Variants in LRRC4C observed in about 807,000 individuals in gnomAD.
The protein encoded by LRRC4C is leucine-rich repeat-containing protein 4C.
A neutral mutation model predicts 33.6 loss-of-function variants in LRRC4C; 5 were observed. The observed-to-expected ratio is 0.15, with a 90% CI of 0.08 to 0.31. LRRC4C has a LOEUF of 0.31. Ranked by LOEUF, LRRC4C falls within the 10% of genes least tolerant of loss-of-function variation. The pLI is 1.00. For synonymous variants in LRRC4C, 329 were observed against 302.0 expected, an observed-to-expected ratio of 1.09 and a Z score of -0.93; for missense variants, 560 against 796.7, an observed-to-expected ratio of 0.70 and a Z score of 3.58.
intron 5 of LRRC4C, among the ~76,000 whole-genome samples, chr11:40,161,411 G>A (rs1859142115): frequency 6.6e-6 from 1 of 152,096 alleles, no homozygotes. Context: ...AAAGTATCTG[G>A]TATTTCTAAA....
intron 1 of LRRC4C, among the ~76,000 whole-genome samples, chr11:41,248,333 T>TCACC (rs1276302469): frequency 2.0e-5 from 3 of 152,206 alleles, no homozygotes; most frequent in Non-Finnish European, 4.4e-5. Context: ...TAGCAGGCCT[T>TCACC]CACCCTCTGT....
intron 3 of LRRC4C, among the ~76,000 whole-genome samples, chr11:40,462,174 A>C (rs2138195088): frequency 6.6e-6 from 1 of 152,178 alleles, no homozygotes; most frequent in African/African-American, 2.4e-5. Flanking sequence ...CCAATTGTTA[A>C]ATATTGATGT....
chr11:40,666,334 A>G (rs1943810132), intron 2 of LRRC4C, among the ~76,000 whole-genome samples: 1 of 152,158 alleles, frequency 6.6e-6, no homozygotes, highest in Non-Finnish European at 1.5e-5. Flanking sequence ...ATGCATGGTG[A>G]GGGTATAAAC....
intron 6 of LRRC4C, among the ~76,000 whole-genome samples, chr11:40,118,031 T>G (rs1381846086): frequency 6.7e-6 from 1 of 148,992 alleles, no homozygotes; most frequent in Non-Finnish European, 1.5e-5. Flanking sequence ...AATTTCATTA[T>G]AAATACTAAT....
intron 2 of LRRC4C, among the ~76,000 whole-genome samples, chr11:40,778,833 A>G (rs542469792): frequency 5.5e-4 from 84 of 151,872 alleles, no homozygotes; most frequent in African/African-American, 1.9e-3. Context: ...AGGATATCCA[A>G]TGGTACCTAG....
intron 3 of LRRC4C, among the ~76,000 whole-genome samples, chr11:40,623,481 C>G (rs10768614): frequency 0.48 from 73,575 of 151,704 alleles, 18,121 homozygotes; most frequent in East Asian, 0.74. Flanking sequence ...ACTTTCTTGA[C>G]AGTAATTTAG....
At chr11:41,281,080 T>TGTC (rs1949655980) in intron 1 of LRRC4C, among the ~76,000 whole-genome samples, 16 of 104,498 alleles carry the variant, frequency 1.5e-4, no homozygotes, top group African/African-American at 7.2e-4. Flanking sequence ...CTCTCTGTCC[T>TGTC]CTCTCTCTCT....
intron 1 of LRRC4C, among the ~76,000 whole-genome samples, chr11:41,159,501 T>A (rs1454195669): frequency 1.3e-5 from 2 of 151,946 alleles, no homozygotes; most frequent in African/African-American, 2.4e-5. Context: ...GTATGAGAAT[T>A]AGCTAAAAGA....
At chr11:41,075,043 AATGTTTT>A (rs1565359596) in intron 1 of LRRC4C, among the ~76,000 whole-genome samples, 2 of 13,720 alleles carry the variant, frequency 1.5e-4, no homozygotes, top group Non-Finnish European at 1.5e-4. Flanking sequence ...TTTTATTTTT[AATGTTTT>A]TTTTTTTTTT....
At chr11:40,659,489 T>A (rs566257943) in intron 2 of LRRC4C, among the ~76,000 whole-genome samples, 1 of 152,140 alleles carries the variant, frequency 6.6e-6, no homozygotes, top group Non-Finnish European at 1.5e-5. Context: ...ATGGTGCTTT[T>A]TCCAGCCTGC....
At chr11:40,144,339 CTTCA>C in intron 5 of LRRC4C, among the ~76,000 whole-genome samples, 1 of 152,238 alleles carries the variant, frequency 6.6e-6, no homozygotes, top group East Asian at 1.9e-4. Flanking sequence ...CCAGCAGACC[CTTCA>C]TTCATTGTTT....
At chr11:40,207,460 T>C (rs1262872174) in intron 5 of LRRC4C, among the ~76,000 whole-genome samples, 1 of 152,074 alleles carries the variant, frequency 6.6e-6, no homozygotes, top group Non-Finnish European at 1.5e-5. Context: ...AAATTAGTCA[T>C]GTGTGGTGAT....
chr11:40,682,750 A>AAAT (rs1194518523), intron 2 of LRRC4C, among the ~76,000 whole-genome samples: 43 of 129,686 alleles, frequency 3.3e-4, no homozygotes, highest in African/African-American at 1.9e-3. Flanking sequence ...CTGTCTCAAT[A>AAAT]AATAAATAAA....
intron 1 of LRRC4C, among the ~76,000 whole-genome samples, chr11:41,367,475 C>T (rs1322768243): frequency 6.6e-6 from 1 of 152,126 alleles, no homozygotes; most frequent in Non-Finnish European, 1.5e-5. Context: ...ATACCAGCTA[C>T]ACATAGTGAA....
At chr11:40,994,600 A>T (rs1853827825) in intron 1 of LRRC4C, among the ~76,000 whole-genome samples, 1 of 152,092 alleles carries the variant, frequency 6.6e-6, no homozygotes, top group South Asian at 2.1e-4. Flanking sequence ...AATTCATCCA[A>T]ATTGAGTTTT....
intron 3 of LRRC4C, among the ~76,000 whole-genome samples, chr11:40,589,132 C>A (rs1226403775): frequency 1.3e-5 from 2 of 151,982 alleles, no homozygotes; most frequent in South Asian, 2.1e-4. Flanking sequence ...GTAGGTCACT[C>A]AGGACTTGCT....
intron 1 of LRRC4C, among the ~76,000 whole-genome samples, chr11:41,384,986 T>A (rs1591398361): frequency 6.6e-6 from 1 of 150,542 alleles, no homozygotes; most frequent in Non-Finnish European, 1.5e-5. Flanking sequence ...AAGAAAAACA[T>A]ATCTCAAGGT....
intron 1 of LRRC4C, among the ~76,000 whole-genome samples, chr11:41,407,199 A>G (rs1229912488): frequency 6.6e-6 from 1 of 152,126 alleles, no homozygotes; most frequent in Non-Finnish European, 1.5e-5. Context: ...AAGGAAACTG[A>G]AGCTCAGAGA....
chr11:40,761,638 C>G (rs1007402351), intron 2 of LRRC4C, among the ~76,000 whole-genome samples: 3 of 152,104 alleles, frequency 2.0e-5, no homozygotes, highest in African/African-American at 7.2e-5. Context: ...CAGCAAAACA[C>G]ACTTATTATT....
Sources: allele counts gnomAD v4.1 joint callset (sites outside exome capture counted in the v4.1 genomes callset), GRCh38; gene constraint gnomAD v4.1.1; transcripts MANE v1.5; gene names NCBI Gene and HGNC (gene_info 2026-07-23, HGNC 2026-07-21).